Variants in MYO18B observed in about 807,000 individuals in gnomAD.
The protein encoded by MYO18B is myosin XVIIIB, also known as unconventional myosin-XVIIIb.
MYO18B carries 204 observed loss-of-function variants against 273.0 expected under a neutral mutation model. The observed-to-expected ratio is 0.75, with a 90% CI of 0.67 to 0.84. The LOEUF (loss-of-function observed/expected upper bound fraction) is 0.84, where lower values mean the gene tolerates loss of function less well. MYO18B is among the 40% of genes least tolerant of loss of function. The probability of loss-of-function intolerance (pLI) is 0.00; values close to 1 mark genes in which losing one functional copy is unlikely to be tolerated. For synonymous variants in MYO18B, 1,330 were observed against 1,305.7 expected, an observed-to-expected ratio of 1.02 and a Z score of -0.40; for missense variants, 3,212 against 3,287.6, an observed-to-expected ratio of 0.98 and a Z score of 0.56.
intron 12 of MYO18B, among the ~76,000 whole-genome samples, chr22:25,808,667 G>A (rs2088594964): frequency 6.6e-6 from 1 of 152,124 alleles, no homozygotes; most frequent in South Asian, 2.1e-4. Context: ...GCTCAGACTC[G>A]GGGCTAAAGG....
intron 12 of MYO18B, among the ~76,000 whole-genome samples, chr22:25,800,833 C>T (rs532857268): frequency 6.6e-6 from 1 of 152,234 alleles, no homozygotes; most frequent in Admixed American, 6.5e-5. Context: ...TGACCCATCA[C>T]ATCAGTGCAT....
chr22:25,954,605 T>C (rs757028763), intron 38 of MYO18B, among the ~76,000 whole-genome samples: 8 of 152,096 alleles, frequency 5.3e-5, no homozygotes, highest in Non-Finnish European at 1.2e-4. Flanking sequence ...GTGCCCAAGG[T>C]CACATAGCCA....
chr22:25,850,487 A>G (rs927073379), intron 20 of MYO18B, among the ~76,000 whole-genome samples: 1 of 152,188 alleles, frequency 6.6e-6, no homozygotes, highest in Non-Finnish European at 1.5e-5. Context: ...ACATAGGCCC[A>G]TGAGTGTCTA....
At chr22:25,921,512 C>T in intron 34 of MYO18B, 103 bp downstream of exon 34, 2 of 1,385,608 alleles carry the variant, frequency 1.4e-6, no homozygotes, top group African/African-American at 1.4e-5. Flanking sequence ...TGGTGCCAAC[C>T]TCCAACTTTC....
chr22:25,789,240 A>T (rs1228743895), intron 11 of MYO18B, among the ~76,000 whole-genome samples: 1 of 151,610 alleles, frequency 6.6e-6, no homozygotes, highest in East Asian at 1.9e-4. Context: ...TTCCCATTCC[A>T]TGTTCCTTGG....
In MYO18B at chr22:25,795,076, C is replaced by T. The variant is rs760463839; in HGVS notation, c.2377-2877C>T. Among the ~76,000 whole-genome samples the T allele has an allele frequency of 3.9e-5, 6 of 152,312 alleles. No homozygotes were observed. The East Asian group carries it at 9.6e-4, about 24-fold the overall frequency. On this transcript the variant is annotated intron_variant, in intron 11 of 43. Transcript: ENST00000335473. ...TCTGTGAGATGCCTATATGTGGCTG[C>T]GTGTCTCAGTGGCTTGTTCTTTTTC...
intron 1 of MYO18B, among the ~76,000 whole-genome samples, chr22:25,748,104 G>T (rs1457897199): frequency 6.6e-6 from 1 of 152,300 alleles, no homozygotes; most frequent in South Asian, 2.1e-4. Context: ...GAAACTAGGA[G>T]CCATGTCCCC....
intron 1 of MYO18B, among the ~76,000 whole-genome samples, chr22:25,757,160 ACTATT>A (rs1359197674): frequency 6.6e-6 from 1 of 152,222 alleles, no homozygotes; most frequent in Non-Finnish European, 1.5e-5. Flanking sequence ...TATATGGCAT[ACTATT>A]CTACTCTAGG....
At chr22:26,053,984 C>T in the MYO18B span, among the ~76,000 whole-genome samples, 1 of 152,066 alleles carries the variant, frequency 6.6e-6, no homozygotes, top group African/African-American at 2.4e-5. Flanking sequence ...AATGGAAACA[C>T]TGATGAAAAA....
rs149956237 is a variant in MYO18B at position 25,755,436 on chromosome 22, C to T, written c.-109-5548C>T. On this transcript the variant is annotated intron_variant, in intron 1 of 43. Coordinates refer to ENST00000335473, the MANE Select transcript of MYO18B (RefSeq NM_032608.7). ...GGTCAGTCTGGTCTTGAACTCCTGACCTCAGGTGATCCGCCTGCCTCGGCC... is the reference window on the plus strand; with the variant it reads ...GGTCAGTCTGGTCTTGAACTCCTGATCTCAGGTGATCCGCCTGCCTCGGCC... 6.6e-3 allele frequency among the ~76,000 whole-genome samples: 1,013 copies of T among 152,336 alleles called. 16 individuals carry two copies. Among genetic ancestry groups the T allele is most frequent in the African/African-American group, 0.022 (929 of 41,584 alleles).
At chr22:25,881,184 G>C (rs1336165156) in intron 25 of MYO18B, among the ~76,000 whole-genome samples, 1 of 152,208 alleles carries the variant, frequency 6.6e-6, no homozygotes, top group African/African-American at 2.4e-5. Context: ...TCTCTTTTCT[G>C]CTTCTTCTCA....
downstream of MYO18B, among the ~76,000 whole-genome samples, chr22:26,035,813 C>T (rs1384186185): frequency 6.6e-6 from 1 of 152,222 alleles, no homozygotes; most frequent in Non-Finnish European, 1.5e-5. Flanking sequence ...GGTCAACAGG[C>T]AGCAGGTGTG....
intron 11 of MYO18B, among the ~76,000 whole-genome samples, chr22:25,795,252 T>TTA (rs1443249357): frequency 6.6e-6 from 1 of 152,238 alleles, no homozygotes; most frequent in Non-Finnish European, 1.5e-5. Context: ...GAGTTTCTTT[T>TTA]GTCAGGGCAC....
intron 42 of MYO18B, among the ~76,000 whole-genome samples, chr22:26,015,199 T>G (rs1409668951): frequency 6.6e-6 from 1 of 152,216 alleles, no homozygotes; most frequent in African/African-American, 2.4e-5. Flanking sequence ...GCTTTTACAT[T>G]TAAGTATTTA....
Position 26,030,683 on chromosome 22 carries a change from G to C in MYO18B, c.*253G>C. The C allele has an allele frequency of 2.7e-6, 1 of 370,418 alleles. No homozygotes were observed. The highest frequency in any genetic ancestry group is 4.8e-6 in the Non-Finnish European group (1 of 208,430). 22.9% of individuals were successfully genotyped at this position (370,418 alleles called of 1,614,324 possible). On this transcript the variant is annotated 3_prime_UTR_variant, in exon 44 of 44. Transcript: ENST00000335473. The stretch of plus-strand genomic sequence containing the variant: ...TATGGCCTTGCTACCTGGGATTCCA[G>C]AGAGTTGATGGGGTGCAGATAGGGG...
chr22:25,779,274 A>G (rs976372453), intron 8 of MYO18B, among the ~76,000 whole-genome samples: 9 of 152,176 alleles, frequency 5.9e-5, no homozygotes, highest in Non-Finnish European at 1.3e-4. Flanking sequence ...AATATTTTCT[A>G]AGCATGTGAC....
intron 40 of MYO18B, among the ~76,000 whole-genome samples, chr22:25,998,565 T>C (rs986176289): frequency 8.5e-5 from 13 of 152,170 alleles, no homozygotes; most frequent in Admixed American, 2.0e-4. Flanking sequence ...TAGGCTGCAG[T>C]AGGACAAGTG....
In MYO18B at chr22:26,028,779, T is replaced by A. The variant is rs144577709; in HGVS notation, c.*12+1089T>A. Among the ~76,000 whole-genome samples the A allele has an allele frequency of 3.7e-3, 546 of 147,318 alleles. 7 individuals carry two copies. In the South Asian group the frequency reaches 0.05, roughly 14 times the overall value. Reference sequence around the variant, plus strand: ...AGCGGGTGCCTGTAGTCCCAGCTACTGGGGAGGCTGAGGCAGGAAAATGGC... The same window carrying A: ...AGCGGGTGCCTGTAGTCCCAGCTACAGGGGAGGCTGAGGCAGGAAAATGGC... On this transcript the variant is annotated intron_variant, in intron 43 of 43. Coordinates refer to ENST00000335473, the MANE Select transcript of MYO18B (RefSeq NM_032608.7).
intron 9 of MYO18B, among the ~76,000 whole-genome samples, chr22:25,781,158 T>G (rs2087132140): frequency 6.6e-6 from 1 of 152,240 alleles, no homozygotes; most frequent in African/African-American, 2.4e-5. Flanking sequence ...GAAGGTGGCC[T>G]CATTTGATTG....
Sources: gnomAD v4.1 joint callset for allele counts (sites outside exome capture counted in the v4.1 genomes callset) on GRCh38, gnomAD v4.1.1 for gene constraint, MANE v1.5 for transcripts, NCBI Gene and HGNC (gene_info 2026-07-23, HGNC 2026-07-21) for gene names.